MAP2K2: variants seen among roughly 807,000 people sequenced by gnomAD.
MAP2K2 encodes the protein dual specificity mitogen-activated protein kinase kinase 2.
MAP2K2 carries 24 observed loss-of-function variants against 43.7 expected under a neutral mutation model. The observed-to-expected ratio is 0.55, with a 90% CI of 0.40 to 0.77. The LOEUF is 0.77. Among genes scored for constraint, MAP2K2 ranks in the 30% least tolerant of loss-of-function variants. MAP2K2 has a pLI of 0.00. For synonymous variants in MAP2K2, 244 were observed against 239.7 expected (o/e 1.02, Z -0.17); for missense variants, 470 against 566.8 (o/e 0.83, Z 1.73).
At chr19:4,100,594 T>A in intron 6 of MAP2K2, 1 of 205,630 alleles carries the variant, frequency 4.9e-6, no homozygotes, top group Non-Finnish European at 1.0e-5. Context: ...GGAAAGAAGG[T>A]CACTTGAGTC....
intron 3 of MAP2K2, among the ~76,000 whole-genome samples, chr19:4,108,693 T>C (rs969377172): frequency 5.3e-5 from 8 of 151,966 alleles, no homozygotes; most frequent in African/African-American, 1.7e-4. Context: ...TCACCAAGAA[T>C]AGAGGTTGGG....
Position 4,090,515 on chromosome 19 carries a change from C to T in MAP2K2, c.*83G>A. 1.6e-6 allele frequency: 2 copies of T among 1,236,122 alleles called. No homozygotes were observed. Among genetic ancestry groups the T allele is most frequent in the Non-Finnish European group, 2.3e-6 (2 of 863,368 alleles). The allele number at this position is 1,236,122 out of a possible 1,614,324, so 76.6% of individuals were successfully genotyped here. ...GAGGCAGGAGGGTGGGTGGAGGCGC[C>T]AGCCTGTCCTCAGCTGGAAGGGCGG... On this transcript the variant is annotated 3_prime_UTR_variant, in exon 11 of 11. Coordinates refer to ENST00000262948, the MANE Select transcript of MAP2K2 (RefSeq NM_030662.4).
chr19:4,100,823 G>A, intron 6 of MAP2K2, 196 bp downstream of exon 6: 1 of 659,126 alleles, frequency 1.5e-6, no homozygotes, highest in African/African-American at 1.8e-5. Context: ...CCATGTAGGA[G>A]TGTGTGCCCA....
chr19:4,112,221 A>C (rs1169196712), intron 2 of MAP2K2, among the ~76,000 whole-genome samples: 1 of 152,232 alleles, frequency 6.6e-6, no homozygotes, highest in Non-Finnish European at 1.5e-5. Context: ...CCAAGCACGG[A>C]GACAGCTCCT....
At chr19:4,110,248 G>A (rs971502682) in intron 3 of MAP2K2, among the ~76,000 whole-genome samples, 5 of 152,262 alleles carry the variant, frequency 3.3e-5, no homozygotes, top group African/African-American at 1.2e-4. Flanking sequence ...AGGTTGCAGT[G>A]AGCCGAGATT....
intron 2 of MAP2K2, among the ~76,000 whole-genome samples, chr19:4,112,829 C>T (rs912575384): frequency 1.3e-5 from 2 of 152,254 alleles, no homozygotes; most frequent in Admixed American, 1.3e-4. Context: ...TCCAGCCAGG[C>T]TGTAACTGAG....
Position 4,101,286 on chromosome 19 carries a change from G to C in MAP2K2, c.529-6C>G. The C allele has an allele frequency of 1.3e-6, 2 of 1,576,754 alleles. No homozygotes were observed. Among genetic ancestry groups the C allele is most frequent in the Non-Finnish European group, 1.7e-6 (2 of 1,161,840 alleles). On this transcript the variant is annotated splice_polypyrimidine_tract_variant and splice_region_variant and intron_variant, in intron 4 of 10. Coordinates refer to ENST00000262948, the MANE Select transcript of MAP2K2 (RefSeq NM_030662.4). This position sits in a 1 kb window ranked among gnomAD's most constrained non-coding sequence, Gnocchi z 6.3. ...TACGCCAAGCCCCGGAGAACCTGCA[G>C]GGGAGCGCGGAGGGAGTCACGGGAC...
rs576637308 is a variant in MAP2K2 at position 4,094,259 on chromosome 19, GC to G, written c.1092+193del. 1.6e-4 allele frequency among the ~76,000 whole-genome samples: 24 copies of G among 152,310 alleles called. No individual in the cohort carries two copies. The South Asian group carries it at 5.0e-3, about 32-fold the overall frequency. ...ACACACCCTCTGCTCCCCGCAGCCAGCCCAGGATGGCTTCTCTCATGGATGA... is the reference window on the plus strand; with the variant it reads ...ACACACCCTCTGCTCCCCGCAGCCAGCCAGGATGGCTTCTCTCATGGATGA... On this transcript the variant is annotated intron_variant, in intron 10 of 10. Transcript: ENST00000262948.
intron 3 of MAP2K2, chr19:4,103,013 T>C: frequency 9.4e-7 from 1 of 1,058,336 alleles, no homozygotes; most frequent in African/African-American, 1.7e-5. Context: ...CGCCAAGCCC[T>C]GCGGCTCCAC....
chr19:4,107,249 C>T (rs925228425), intron 3 of MAP2K2, among the ~76,000 whole-genome samples: 1 of 151,682 alleles, frequency 6.6e-6, no homozygotes, highest in South Asian at 2.1e-4. Context: ...ACTTGCCGGG[C>T]GCGGTGGCTC....
At chr19:4,093,312 C>CACTTGAGCACGGGAGTTGGGGCT (rs2040872316) in intron 10 of MAP2K2, among the ~76,000 whole-genome samples, 1 of 152,134 alleles carries the variant, frequency 6.6e-6, no homozygotes, top group Non-Finnish European at 1.5e-5. Flanking sequence ...GTGGGAGGAT[C>CACTTGAGCACGGGAGTTGGGGCT]ACTTGAGCAC....
At chr19:4,097,956 G>A (rs935167894) in intron 7 of MAP2K2, among the ~76,000 whole-genome samples, 1 of 152,160 alleles carries the variant, frequency 6.6e-6, no homozygotes, top group Non-Finnish European at 1.5e-5. Context: ...AAGGACTTGG[G>A]GGCCTCTCCC....
At chr19:4,092,683 G>A (rs8108910) in intron 10 of MAP2K2, among the ~76,000 whole-genome samples, 2,656 of 152,172 alleles carry the variant, frequency 0.017, 71 homozygotes, top group African/African-American at 0.061. Context: ...TGCCCAGGCT[G>A]GCCTTGAACT....
intron 7 of MAP2K2, among the ~76,000 whole-genome samples, chr19:4,098,331 T>C (rs936403376): frequency 6.6e-6 from 1 of 152,016 alleles, no homozygotes; most frequent in Non-Finnish European, 1.5e-5. Flanking sequence ...GCTGAGAAGG[T>C]TCTGGAATTA....
chr19:4,123,588 C>T (rs2041330003), intron 1 of MAP2K2, among the ~76,000 whole-genome samples, 196 bp downstream of exon 1: 3 of 139,506 alleles, frequency 2.2e-5, no homozygotes, highest in South Asian at 4.6e-4. Flanking sequence ...GGCCCCCTGC[C>T]CCGTCCTCCC....
intron 10 of MAP2K2, among the ~76,000 whole-genome samples, chr19:4,093,221 C>T (rs531800317): frequency 3.3e-5 from 5 of 150,888 alleles, no homozygotes; most frequent in East Asian, 3.9e-4. Flanking sequence ...TTCATCTTTG[C>T]GGGGAAAAAC....
intron 3 of MAP2K2, among the ~76,000 whole-genome samples, chr19:4,107,386 T>C (rs930764012): frequency 6.6e-6 from 1 of 151,122 alleles, no homozygotes; most frequent in African/African-American, 2.4e-5. Context: ...TAGCCGGCTG[T>C]GGTGGCGGGC....
rs967132143 is a variant in MAP2K2, at chr19:4,103,290, T to C, written c.451-837A>G. Reference sequence around the variant, plus strand: ...CATGTCATAAATGATGAAACAGAAATTCCATGTCTTGCCCAAGGCTGCCTG... The same window carrying C: ...CATGTCATAAATGATGAAACAGAAACTCCATGTCTTGCCCAAGGCTGCCTG... On this transcript the variant is annotated intron_variant, in intron 3 of 10. Coordinates refer to ENST00000262948, the MANE Select transcript of MAP2K2 (RefSeq NM_030662.4). The C allele has an allele frequency of 7.1e-6, 7 of 979,472 alleles. No homozygotes were observed. The African/African-American group carries it at 1.2e-4, about 17-fold the overall frequency. The allele number at this position is 979,472 out of a possible 1,614,324, so 60.7% of individuals were successfully genotyped here. A position where few individuals can be genotyped will look rare whatever the true frequency, so the allele number is the denominator to read the frequency against.
intron 2 of MAP2K2, among the ~76,000 whole-genome samples, chr19:4,112,522 G>A (rs1428690666): frequency 6.6e-6 from 1 of 152,194 alleles, no homozygotes; most frequent in Non-Finnish European, 1.5e-5. Flanking sequence ...CAGGGCGTGT[G>A]TGGGGAGTGG....
Sources: allele counts gnomAD v4.1 joint callset (sites outside exome capture counted in the v4.1 genomes callset), GRCh38; gene constraint gnomAD v4.1.1; non-coding constraint Gnocchi (gnomAD v3.1); transcripts MANE v1.5; gene names NCBI Gene and HGNC (gene_info 2026-07-23, HGNC 2026-07-21).